Variants in RP1L1 observed in about 807,000 individuals in gnomAD.
RP1L1 encodes the protein retinitis pigmentosa 1-like 1 protein.
RP1L1 carries 27 observed loss-of-function variants against 15.7 expected under a neutral mutation model. That is an observed-to-expected ratio of 1.72 (90% confidence interval 1.27 to 2.38). The LOEUF is 2.38. Among genes scored for constraint, RP1L1 ranks in the 30% most tolerant of loss-of-function variants. The probability of loss-of-function intolerance (pLI) is 0.00; values close to 1 mark genes in which losing one functional copy is unlikely to be tolerated. For synonymous variants in RP1L1, 1,813 were observed against 1,276.7 expected (o/e 1.42, Z -8.96); for missense variants, 4,798 against 3,075.9 (o/e 1.56, Z -13.24).
chr8:10,618,050 T>A (rs1347084860), intron 2 of RP1L1, among the ~76,000 whole-genome samples: 1 of 152,168 alleles, frequency 6.6e-6, no homozygotes, highest in Non-Finnish European at 1.5e-5. Flanking sequence ...TAATTAGCAA[T>A]GCTTGGGGAT....
At chr8:10,626,531 A>C (rs1351930268) in intron 1 of RP1L1, among the ~76,000 whole-genome samples, 1 of 152,138 alleles carries the variant, frequency 6.6e-6, no homozygotes. Flanking sequence ...CACGGGCTGC[A>C]TGGGGTCAGG....
At position 10,610,982 on chromosome 8, in the gene RP1L1, C is replaced by T. The variant is rs1339683035; in HGVS notation, c.3116G>A (p.Gly1039Glu). 2 of 1,612,598 alleles carry T rather than the reference C, an allele frequency of 1.2e-6. No homozygotes were observed. The highest frequency in any genetic ancestry group is 1.7e-6 in the Non-Finnish European group (2 of 1,179,908). The change falls in exon 4 of 4, where the codon GGA (glycine) becomes GAA (glutamate). Residue 1039 changes from glycine to glutamate, a missense_variant. By Grantham distance (98) the Gly-to-Glu change is moderately conservative. Coordinates refer to ENST00000382483, the MANE Select transcript of RP1L1 (RefSeq NM_178857.6). ...LGSSDTGPQS[G>E]EGVPQGAAPE... Reference sequence around the variant, plus strand: ...AGCTGCCCCTTGGGGGACACCCTCTCCTGATTGGGGACCAGTGTCACTACT... The same window carrying T: ...AGCTGCCCCTTGGGGGACACCCTCTTCTGATTGGGGACCAGTGTCACTACT...
rs1470908466 is a variant in RP1L1 at position 10,609,096 on chromosome 8, T to C, written c.5002A>G (p.Ser1668Gly). The C allele has an allele frequency of 6.2e-7, 1 of 1,613,552 alleles. No homozygotes were observed. The highest frequency in any genetic ancestry group is 1.1e-5 in the South Asian group (1 of 91,060). The change falls in exon 4 of 4, where the codon AGC becomes GGC. Residue 1668 changes from serine to glycine, a missense_variant. By Grantham distance (56) the Ser-to-Gly change is moderately conservative. Coordinates refer to ENST00000382483, the MANE Select transcript of RP1L1 (RefSeq NM_178857.6). ...PCEACVRKKV[S>G]PMSPKATMGA... ...ATTGTGGCCTTGGGGGACATAGGGCTCACTTTCTTCCTCACGCAGGCCTCG... is the reference window on the plus strand; with the variant it reads ...ATTGTGGCCTTGGGGGACATAGGGCCCACTTTCTTCCTCACGCAGGCCTCG...
intron 1 of RP1L1, among the ~76,000 whole-genome samples, chr8:10,647,060 C>T (rs1226298429): frequency 6.6e-6 from 1 of 152,234 alleles, no homozygotes; most frequent in Non-Finnish European, 1.5e-5. Context: ...GCATCCTCAT[C>T]CGGGCCCCAG....
chr8:10,613,745 G>A (rs1797920605), intron 3 of RP1L1, among the ~76,000 whole-genome samples: 1 of 151,832 alleles, frequency 6.6e-6, no homozygotes, highest in African/African-American at 2.4e-5. Context: ...AGTGAGCTAT[G>A]CACCACTGCG....
Position 10,612,503 on chromosome 8 carries a change from G to A in RP1L1, c.1595C>T (p.Ser532Phe), listed in dbSNP as rs757100915. The A allele has an allele frequency of 1.9e-6, 3 of 1,612,136 alleles. No individual in the cohort carries two copies. In the East Asian group the frequency reaches 6.7e-5, roughly 36 times the overall value. ...TPRARSEEGA[S>F]SDSSASTGSH... ...GCCGGTGCTGGCTGACGAGTCCGAA[G>A]AAGCCCCCTCCTCACTCCGGGCCCT... Residue 532 changes from serine (S) to phenylalanine (F), a missense_variant, in exon 4 of 4, where the codon TCT becomes TTT. Coordinates refer to ENST00000382483, the MANE Select transcript of RP1L1 (RefSeq NM_178857.6).
rs1234106086 is a variant in RP1L1 at position 10,654,031 on chromosome 8, C to A, written c.-20+867G>T. Among the ~76,000 whole-genome samples, 4 of 152,106 alleles carry A rather than the reference C, an allele frequency of 2.6e-5. 1 individual carries two copies. The highest frequency in any genetic ancestry group is 9.7e-5 in the African/African-American group (4 of 41,432). ...ATGAGCTGGCTGTGGGGCATGGTCC[C>A]ATGGGGAAGTACAGATCTGAGGCAC... On this transcript the variant is annotated intron_variant, in intron 1 of 3. Coordinates refer to ENST00000382483, the MANE Select transcript of RP1L1 (RefSeq NM_178857.6).
At chr8:10,631,352 CATGCACACAAACACACAT>C (rs1489416036) in intron 1 of RP1L1, among the ~76,000 whole-genome samples, 3 of 103,860 alleles carry the variant, frequency 2.9e-5, no homozygotes, top group South Asian at 2.8e-4. Context: ...CACGCACACA[CATGCACACAAACACACAT>C]GCACACAAAC....
chr8:10,608,658 A>G lies in RP1L1; in HGVS notation c.5440T>C (p.Leu1814=). The part of the protein sequence containing the change: ...GGQGSGHEDN[L]QGEAAAGGDQ... ...CCTCCTGCCGCAGCTTCACCCTGCA[A>G]GTTGTCCTCATGCCCAGAGCCTTGA... The change falls in exon 4 of 4, where the codon TTG becomes CTG. Residue 1814 remains leucine (L), a synonymous_variant. Coordinates refer to ENST00000382483, the MANE Select transcript of RP1L1 (RefSeq NM_178857.6). 1 of 1,614,054 alleles carries G rather than the reference A, an allele frequency of 6.2e-7. No homozygotes were observed. Among genetic ancestry groups the G allele is most frequent in the Non-Finnish European group, 8.5e-7 (1 of 1,180,004 alleles).
chr8:10,622,616 A>G lies in RP1L1; in HGVS notation c.586T>C (p.Leu196=), dbSNP rs989684765. Residue 196 remains leucine, a synonymous_variant, in exon 2 of 4, where the codon TTG becomes CTG. Transcript: ENST00000382483. ...SDLLRFPVKQ[L]YTTSGKKVDS... ...ACCTTTTTCCCGCTGGTCGTGTACA[A>G]CTGCTTCACAGGAAAGCGCAGGAGA... 1 of 1,614,186 alleles carries G rather than the reference A, an allele frequency of 6.2e-7. No homozygotes were observed. Among genetic ancestry groups the G allele is most frequent in the Non-Finnish European group, 8.5e-7 (1 of 1,180,026 alleles).
rs533021498 is a variant in RP1L1 at position 10,608,240 on chromosome 8, T to C, written c.5858A>G (p.Gln1953Arg). The change falls in exon 4 of 4, where the codon CAG becomes CGG. Residue 1953 changes from glutamine to arginine, a missense_variant. Gln to Arg is a conservative substitution (Grantham distance 43). Transcript: ENST00000382483. ...TATAACTTCTGACTCTGGCTGGGTC[T>C]GCCCTTCTGCCTCCTGGGCCGCCTC... ...AEEAAQEAEGQTQPESEVIES... is the reference protein window; with the variant it reads ...AEEAAQEAEGRTQPESEVIES... The C allele has an allele frequency of 4.4e-6, 7 of 1,580,190 alleles. No homozygotes were observed. Among genetic ancestry groups the C allele is most frequent in the Non-Finnish European group, 6.1e-6 (7 of 1,156,632 alleles).
chr8:10,654,274 T>C (rs118106322), intron 1 of RP1L1, among the ~76,000 whole-genome samples: 3,338 of 152,300 alleles, frequency 0.022, 46 homozygotes, highest in Non-Finnish European at 0.034. Context: ...TGACTTCATC[T>C]GTCCGGGCCT....
chr8:10,612,776 CCGTGGCCCCACAGGCCACTGCA>C lies in RP1L1; in HGVS notation c.1300_1321del (p.Cys434GlyfsTer49). On this transcript the variant is annotated frameshift_variant, in exon 4 of 4. Transcript: ENST00000382483. LOFTEE classifies it low-confidence loss of function (END_TRUNC). ...GCTGCATCTCTCCCTCCCGGCAGTC[CCGTGGCCCCACAGGCCACTGCA>C]GCGGACGTGCTGGGCCAGTCCCCAC... 2 of 1,610,008 alleles carry C rather than the reference CCGTGGCCCCACAGGCCACTGCA, an allele frequency of 1.2e-6. No homozygotes were observed. The highest frequency in any genetic ancestry group is 2.2e-5 in the South Asian group (2 of 91,080).
At chr8:10,639,113 T>C (rs1798371784) in intron 1 of RP1L1, among the ~76,000 whole-genome samples, 1 of 150,752 alleles carries the variant, frequency 6.6e-6, no homozygotes, top group South Asian at 2.1e-4. Flanking sequence ...CCCTGCACTC[T>C]AGCCTGGATG....
chr8:10,648,647 C>T (rs1157849341), intron 1 of RP1L1, among the ~76,000 whole-genome samples: 3 of 152,220 alleles, frequency 2.0e-5, no homozygotes, highest in Admixed American at 6.5e-5. Context: ...GTCACCCCCA[C>T]GTCTTTGCCA....
intron 2 of RP1L1, among the ~76,000 whole-genome samples, chr8:10,620,334 G>A (rs560775786): frequency 1.1e-4 from 16 of 152,288 alleles, no homozygotes; most frequent in African/African-American, 3.1e-4. Flanking sequence ...GGCTGGGTGC[G>A]GTGGCTCACG....
rs370708396 is a variant in RP1L1, at chr8:10,612,291, C to G, written c.1807G>C (p.Gly603Arg). Reference sequence around the variant, plus strand: ...AGAGGCTCCCTTGTCACAGCCGCTCCCGTGGCCTGCTCGGTGCCCTGTCCT... The same window carrying G: ...AGAGGCTCCCTTGTCACAGCCGCTCGCGTGGCCTGCTCGGTGCCCTGTCCT... ...TQGQGTEQAT[G>R]AAVTREPLVL... Residue 603 changes from glycine to arginine, a missense_variant, in exon 4 of 4, where the codon GGA (glycine) becomes CGA (arginine). By Grantham distance (125) the Gly-to-Arg change is moderately radical (BLOSUM62 -2). Transcript: ENST00000382483. The G allele has an allele frequency of 1.9e-6, 3 of 1,613,160 alleles. No homozygotes were observed. The highest frequency in any genetic ancestry group is 2.5e-6 in the Non-Finnish European group (3 of 1,180,034).
chr8:10,610,924 G>A lies in RP1L1; in HGVS notation c.3174C>T (p.Ala1058=), dbSNP rs548282200. 65 of 1,610,954 alleles carry A rather than the reference G, an allele frequency of 4.0e-5. No homozygotes were observed. Among genetic ancestry groups the A allele is most frequent in the South Asian group, 2.4e-4 (22 of 90,852 alleles). Reference sequence around the variant, plus strand: ...CTGCTGGGGCCTCTCTGTCTGCTCCGGCCTCTGCAGGGGCCTCGGAAACTC... The same window carrying A: ...CTGCTGGGGCCTCTCTGTCTGCTCCAGCCTCTGCAGGGGCCTCGGAAACTC... The part of the protein sequence containing the change: ...PEGVSEAPAE[A]GADREAPAGC... The change falls in exon 4 of 4, where the codon GCC becomes GCT. Residue 1058 remains alanine, a synonymous_variant. Coordinates refer to ENST00000382483, the MANE Select transcript of RP1L1 (RefSeq NM_178857.6).
intron 3 of RP1L1, among the ~76,000 whole-genome samples, chr8:10,614,335 A>C (rs920317533): frequency 2.6e-5 from 4 of 152,206 alleles, no homozygotes; most frequent in African/African-American, 4.8e-5. Context: ...GAAGAGAAGA[A>C]AGGGCTGCTA....
Sources: allele counts gnomAD v4.1 joint callset (sites outside exome capture counted in the v4.1 genomes callset), GRCh38; gene constraint gnomAD v4.1.1; transcripts MANE v1.5; gene names NCBI Gene and HGNC (gene_info 2026-07-23, HGNC 2026-07-21).